Variants in IL21R observed in about 807,000 individuals in gnomAD.
The protein encoded by IL21R is interleukin-21 receptor.
IL21R carries 14 observed loss-of-function variants against 41.3 expected under a neutral mutation model. That is an observed-to-expected ratio of 0.34 (90% CI 0.22 to 0.53). IL21R has a LOEUF of 0.53. Among genes scored for constraint, IL21R ranks in the 20% least tolerant of loss-of-function variants. The pLI, the probability that IL21R is intolerant of heterozygous loss-of-function variation, is 0.94. For missense variants in IL21R, 588 were observed against 681.6 expected (o/e 0.86, Z 1.53); for synonymous variants, 286 against 287.6 (o/e 0.99, Z 0.05).
At chr16:27,419,907 G>A (rs1209913304) in intron 1 of IL21R, among the ~76,000 whole-genome samples, 1 of 56,248 alleles carries the variant, frequency 1.8e-5, no homozygotes, top group Non-Finnish European at 3.6e-5. Flanking sequence ...TTTTTTTTTT[G>A]AGACGGAGTC....
chr16:27,443,091 G>C lies in IL21R; in HGVS notation c.482G>C (p.Arg161Thr), dbSNP rs143921988. The part of the protein sequence containing the change: ...KGKLQYELQY[R>T]NRGDPWAVSP... ...AAGCTTCAGTATGAGCTGCAGTACA[G>C]GAACCGGGGAGACCCCTGGGCTGTG... The change falls in exon 5 of 9, where the codon AGG becomes ACG. Residue 161 changes from arginine (R) to threonine (T), a missense_variant. Coordinates refer to ENST00000337929, the MANE Select transcript of IL21R (RefSeq NM_181078.3). 1.9e-5 allele frequency: 31 copies of C among 1,613,376 alleles called. No individual in the cohort carries two copies. The African/African-American group carries it at 3.9e-4, about 20-fold the overall frequency.
At chr16:27,443,778 A>G (rs1050514020) in intron 5 of IL21R, among the ~76,000 whole-genome samples, 9 of 142,690 alleles carry the variant, frequency 6.3e-5, no homozygotes, top group African/African-American at 2.4e-4. Context: ...GTGAGACTCG[A>G]TCTCAAAAAA....
Position 27,422,302 on chromosome 16 carries a change from T to C in IL21R, c.-16-7754T>C, listed in dbSNP as rs556564961. ...ATCCTATTTGTGGTTTGTAGAGCTA[T>C]TTAAATCTGTGGCTTAATGTCTTTT... On this transcript the variant is annotated intron_variant, in intron 1 of 8. Transcript: ENST00000337929. Among the ~76,000 whole-genome samples the C allele has an allele frequency of 4.6e-5, 7 of 152,232 alleles. No homozygotes were observed. The South Asian group carries it at 1.4e-3, about 31-fold the overall frequency.
chr16:27,410,932 C>G (rs1239421554), intron 1 of IL21R, among the ~76,000 whole-genome samples: 1 of 152,122 alleles, frequency 6.6e-6, no homozygotes, highest in East Asian at 1.9e-4. Flanking sequence ...TGTTTTTTTG[C>G]AATTGGTTTA....
chr16:27,430,329 C>A (rs566605091), intron 2 of IL21R, among the ~76,000 whole-genome samples: 8 of 152,340 alleles, frequency 5.3e-5, no homozygotes, highest in African/African-American at 1.9e-4. Context: ...GAAACAGAAG[C>A]GGTAGACATG....
intron 1 of IL21R, among the ~76,000 whole-genome samples, chr16:27,405,323 G>A (rs755430618): frequency 2.0e-5 from 3 of 152,120 alleles, no homozygotes; most frequent in Non-Finnish European, 2.9e-5. Context: ...ATGAGCCACC[G>A]TGACCGGCCT....
intron 3 of IL21R, 48 bp from the exon 4 acceptor site, chr16:27,437,440 C>T: frequency 6.7e-7 from 1 of 1,494,276 alleles, no homozygotes; most frequent in Non-Finnish European, 9.3e-7. Flanking sequence ...CACCACCATC[C>T]CCCCTGCCCC....
intron 3 of IL21R, among the ~76,000 whole-genome samples, chr16:27,434,774 C>T (rs1479351381): frequency 6.6e-6 from 1 of 152,172 alleles, no homozygotes; most frequent in Non-Finnish European, 1.5e-5. Flanking sequence ...ACAATGATTA[C>T]TCCCATTTTA....
chr16:27,438,192 C>G (rs1214441641), intron 4 of IL21R, among the ~76,000 whole-genome samples: 1 of 152,162 alleles, frequency 6.6e-6, no homozygotes, highest in East Asian at 1.9e-4. Flanking sequence ...ATACCTACCT[C>G]TGGGACAGCT....
At chr16:27,419,816 T>TTTA (rs57138211) in intron 1 of IL21R, among the ~76,000 whole-genome samples, 2,676 of 148,026 alleles carry the variant, frequency 0.018, 42 homozygotes, top group African/African-American at 0.037. Flanking sequence ...AGTAACATAG[T>TTTA]TTATTATTAT....
In IL21R at chr16:27,448,999, CT is replaced by C; in HGVS notation, c.1334del (p.Leu445ProfsTer5). 6.2e-7 allele frequency: 1 copy of C among 1,612,784 alleles called. No individual in the cohort carries two copies. Among genetic ancestry groups the C allele is most frequent in the Non-Finnish European group, 8.5e-7 (1 of 1,179,890 alleles). ...SPGLGGPLGS[L>X]LDRLKPPLAD... Reference sequence around the variant, plus strand: ...TGGGCTAGGAGGGCCCCTGGGAAGCCTCCTGGACAGACTAAAGCCACCCCTT... The same window carrying C: ...TGGGCTAGGAGGGCCCCTGGGAAGCCCCTGGACAGACTAAAGCCACCCCTT... On this transcript the variant is annotated frameshift_variant, in exon 9 of 9. Coordinates refer to ENST00000337929, the MANE Select transcript of IL21R (RefSeq NM_181078.3). LOFTEE classifies it low-confidence loss of function (END_TRUNC).
Position 27,421,452 on chromosome 16 carries a change from A to T in IL21R, c.-16-8604A>T, listed in dbSNP as rs904140180. Among the ~76,000 whole-genome samples, 3 of 151,934 alleles carry T rather than the reference A, an allele frequency of 2.0e-5. No homozygotes were observed. In the East Asian group the frequency reaches 5.8e-4, roughly 29 times the overall value. On this transcript the variant is annotated intron_variant, in intron 1 of 8. Coordinates refer to ENST00000337929, the MANE Select transcript of IL21R (RefSeq NM_181078.3). ...ACATTAAGTTTTCCAATCTATGAAC[A>T]TGGTATATCCTCCATTTATTTAGGT...
intron 5 of IL21R, chr16:27,444,056 T>C (rs2087435499): frequency 6.6e-6 from 1 of 152,002 alleles, no homozygotes; most frequent in Non-Finnish European, 1.5e-5. Flanking sequence ...AAGATGTCTG[T>C]AGTTAGAGTT....
At chr16:27,439,321 C>T (rs757868893) in intron 4 of IL21R, among the ~76,000 whole-genome samples, 1 of 151,908 alleles carries the variant, frequency 6.6e-6, no homozygotes, top group South Asian at 2.1e-4. Context: ...CTGCCTCTCT[C>T]TCTTGCTCTC....
Position 27,450,171 on chromosome 16 carries a change from C to CG in IL21R, c.*895dup, listed in dbSNP as rs1045570872. 7.3e-5 allele frequency: 17 copies of CG among 232,918 alleles called. No homozygotes were observed. The highest frequency in any genetic ancestry group is 1.8e-4 in the South Asian group (1 of 5,526). The allele number at this position is 232,918 out of a possible 1,614,324, so 14.4% of individuals were successfully genotyped here. A position where few individuals can be genotyped will look rare whatever the true frequency, so the allele number is the denominator to read the frequency against. ...GCCGTCCCGCCTGCAGAGGGCCACTCGGGGGGGTTTCCAGGCTTAAAATCA... is the reference window on the plus strand; with the variant it reads ...GCCGTCCCGCCTGCAGAGGGCCACTCGGGGGGGGTTTCCAGGCTTAAAATCA... On this transcript the variant is annotated 3_prime_UTR_variant, in exon 9 of 9. Coordinates refer to ENST00000337929, the MANE Select transcript of IL21R (RefSeq NM_181078.3).
In IL21R at chr16:27,430,056, GC is replaced by G; in HGVS notation, c.-13del. 2 of 1,606,242 alleles carry G rather than the reference GC, an allele frequency of 1.2e-6. No homozygotes were observed. The highest frequency in any genetic ancestry group is 1.7e-6 in the Non-Finnish European group (2 of 1,179,786). On this transcript the variant is annotated splice_region_variant and 5_prime_UTR_variant, in exon 2 of 9. Transcript: ENST00000337929. ...ACCCTCCACTGTACGTCTCTTGCAG[GC>G]CCGTGGGAGTCAGCATGCCGCGTGG...
At chr16:27,403,297 GA>G in intron 1 of IL21R, 1 of 1,277,280 alleles carries the variant, frequency 7.8e-7, no homozygotes, top group Non-Finnish European at 1.0e-6. Flanking sequence ...AGCCTTGAAG[GA>G]TGGGAAAGGA....
At position 27,448,815 on chromosome 16, in the gene IL21R, T is replaced by C; in HGVS notation, c.1149T>C (p.Asp383=). 1 of 1,613,438 alleles carries C rather than the reference T, an allele frequency of 6.2e-7. No individual in the cohort carries two copies. The highest frequency in any genetic ancestry group is 1.3e-5 in the African/African-American group (1 of 75,046). ...CCATTGACACAGTGACTGTGCTAGA[T>C]GCAGAGGGGCCATGCACCTGGCCCT... is the stretch of plus-strand genomic sequence containing the variant. ...LVSIDTVTVL[D]AEGPCTWPCS... Residue 383 remains aspartate, a synonymous_variant, in exon 9 of 9, where the codon GAT becomes GAC. Transcript: ENST00000337929.
At chr16:27,440,377 G>A (rs373028325) in intron 4 of IL21R, among the ~76,000 whole-genome samples, 33 of 151,688 alleles carry the variant, frequency 2.2e-4, no homozygotes, top group Admixed American at 6.5e-4. Context: ...GGGCTCAAGC[G>A]ATCCTCCCAC....
Sources: gnomAD v4.1 joint callset for allele counts (sites outside exome capture counted in the v4.1 genomes callset) on GRCh38, gnomAD v4.1.1 for gene constraint, MANE v1.5 for transcripts, NCBI Gene and HGNC (gene_info 2026-07-23, HGNC 2026-07-21) for gene names.